BMPR1B: variants seen among roughly 807,000 people sequenced by gnomAD.
BMPR1B encodes bone morphogenetic protein receptor type-1B.
BMPR1B carries 12 observed loss-of-function variants against 59.1 expected under a neutral mutation model. The observed-to-expected ratio is 0.20, with a 90% CI of 0.13 to 0.33. BMPR1B has a LOEUF of 0.33. BMPR1B is among the 10% of genes least tolerant of loss of function. The probability of loss-of-function intolerance (pLI) is 1.00; values close to 1 mark genes in which losing one functional copy is unlikely to be tolerated. For missense variants in BMPR1B, 550 were observed against 610.9 expected (o/e 0.90, Z 1.05); for synonymous variants, 237 against 207.3 (o/e 1.14, Z -1.23).
intron 3 of BMPR1B, among the ~76,000 whole-genome samples, chr4:95,003,801 C>CTTTTTTTTTTTTTTTTTTTTTTT (rs5860385): frequency 1.2e-5 from 1 of 84,560 alleles, no homozygotes; most frequent in Non-Finnish European, 2.1e-5. Flanking sequence ...CAAAGTCCAT[C>CTTTTTTTTTTTTTTTTTTTTTTT]TTTTTTTTTT....
intron 3 of BMPR1B, among the ~76,000 whole-genome samples, chr4:95,029,396 T>C (rs1724661884): frequency 6.6e-6 from 1 of 151,116 alleles, no homozygotes; most frequent in Admixed American, 6.6e-5. Context: ...TGATTTCCAG[T>C]TTCATCCATG....
chr4:94,805,473 A>G (rs1723571884), intron 1 of BMPR1B, among the ~76,000 whole-genome samples: 1 of 152,184 alleles, frequency 6.6e-6, no homozygotes, highest in African/African-American at 2.4e-5. Flanking sequence ...TGTAATGAAA[A>G]TAAGAGTGTT....
At chr4:95,106,804 A>G (rs1454220623) in intron 4 of BMPR1B, among the ~76,000 whole-genome samples, 1 of 152,004 alleles carries the variant, frequency 6.6e-6, no homozygotes, top group African/African-American at 2.4e-5. Flanking sequence ...GCTTATAATT[A>G]AAAACACTTA....
intron 2 of BMPR1B, among the ~76,000 whole-genome samples, chr4:94,891,608 A>T (rs1727397602): frequency 6.6e-6 from 1 of 152,134 alleles, no homozygotes; most frequent in African/African-American, 2.4e-5. Flanking sequence ...CTGGCACAGC[A>T]AAAAGGAAAT....
At chr4:95,132,720 C>A (rs1034636702) in intron 10 of BMPR1B, among the ~76,000 whole-genome samples, 11 of 151,902 alleles carry the variant, frequency 7.2e-5, no homozygotes, top group South Asian at 2.1e-4. Flanking sequence ...TTCTCTCACC[C>A]TGTTAAATTT....
At chr4:94,781,633 A>T (rs1187085664) in intron 1 of BMPR1B, among the ~76,000 whole-genome samples, 2 of 152,020 alleles carry the variant, frequency 1.3e-5, no homozygotes, top group East Asian at 3.9e-4. Context: ...GCTGATCTCA[A>T]ACTCCTGGCC....
intron 2 of BMPR1B, among the ~76,000 whole-genome samples, chr4:94,964,162 G>C (rs779279589): frequency 1.3e-5 from 2 of 151,788 alleles, no homozygotes; most frequent in African/African-American, 4.8e-5. Flanking sequence ...TACTGATTTT[G>C]GTATGTTAAT....
chr4:94,810,875 A>T (rs1723785272), intron 1 of BMPR1B, among the ~76,000 whole-genome samples: 1 of 152,150 alleles, frequency 6.6e-6, no homozygotes, highest in Non-Finnish European at 1.5e-5. Flanking sequence ...TAAAGAAGGG[A>T]TCAAGCGTCT....
intron 4 of BMPR1B, among the ~76,000 whole-genome samples, chr4:95,110,518 A>C (rs1731552832): frequency 1.3e-5 from 2 of 152,102 alleles, no homozygotes; most frequent in Non-Finnish European, 2.9e-5. Flanking sequence ...GGAAGGGGAA[A>C]GTAGACTCAT....
At chr4:94,923,953 G>T (rs983696513) in intron 2 of BMPR1B, among the ~76,000 whole-genome samples, 1 of 152,112 alleles carries the variant, frequency 6.6e-6, no homozygotes, top group Non-Finnish European at 1.5e-5. Flanking sequence ...CTCTTGATGG[G>T]TTGCCTTTGA....
chr4:95,101,391 C>A (rs1730809041), intron 3 of BMPR1B, among the ~76,000 whole-genome samples: 1 of 152,068 alleles, frequency 6.6e-6, no homozygotes, highest in Non-Finnish European at 1.5e-5. Flanking sequence ...TAATCTCCTG[C>A]AGGGGTAGGA....
At chr4:95,109,928 T>G (rs1417065683) in intron 4 of BMPR1B, among the ~76,000 whole-genome samples, 2 of 146,576 alleles carry the variant, frequency 1.4e-5, no homozygotes, top group South Asian at 2.2e-4. Flanking sequence ...TTCTCATTGT[T>G]CAATTCCCAC....
At chr4:95,024,193 A>G (rs1315966626) in intron 3 of BMPR1B, among the ~76,000 whole-genome samples, 1 of 152,224 alleles carries the variant, frequency 6.6e-6, no homozygotes. Context: ...TGGAATCTCC[A>G]TTTGCACACT....
At chr4:95,015,411 T>A (rs1052236249) in intron 3 of BMPR1B, among the ~76,000 whole-genome samples, 15 of 152,090 alleles carry the variant, frequency 9.9e-5, no homozygotes, top group Non-Finnish European at 2.1e-4. Context: ...AGAACTTCTT[T>A]TTTTGATTGT....
chr4:94,765,010 T>G (rs1392371551), intron 1 of BMPR1B, among the ~76,000 whole-genome samples: 1 of 152,184 alleles, frequency 6.6e-6, no homozygotes. Flanking sequence ...ACGGGGGGAC[T>G]ATCATTTACT....
At chr4:94,778,801 C>G in intron 1 of BMPR1B, among the ~76,000 whole-genome samples, 1 of 151,988 alleles carries the variant, frequency 6.6e-6, no homozygotes, top group Non-Finnish European at 1.5e-5. Context: ...TGCATTTTGT[C>G]CATTTGTTCT....
intron 3 of BMPR1B, among the ~76,000 whole-genome samples, chr4:95,082,324 G>C (rs1258589851): frequency 6.6e-6 from 1 of 151,760 alleles, no homozygotes; most frequent in Non-Finnish European, 1.5e-5. Flanking sequence ...AAACATTTGA[G>C]AACTGCTGTC....
intron 1 of BMPR1B, among the ~76,000 whole-genome samples, chr4:94,816,197 A>T (rs191839710): frequency 3.3e-5 from 5 of 152,282 alleles, no homozygotes; most frequent in African/African-American, 1.2e-4. Flanking sequence ...ACTAGGCTGG[A>T]GTGCAGTGGC....
intron 2 of BMPR1B, among the ~76,000 whole-genome samples, chr4:94,893,149 T>G (rs1727462875): frequency 6.6e-6 from 1 of 152,176 alleles, no homozygotes; most frequent in African/African-American, 2.4e-5. Flanking sequence ...ATAAAAATCT[T>G]CCTTTATAAT....
Sources: allele counts gnomAD v4.1 joint callset (sites outside exome capture counted in the v4.1 genomes callset), GRCh38; gene constraint gnomAD v4.1.1; transcripts MANE v1.5; gene names NCBI Gene and HGNC (gene_info 2026-07-23, HGNC 2026-07-21).